The following RBM10 variants were observed in gnomAD, a reference collection of about 807,000 sequenced individuals.
RBM10 encodes RNA binding motif protein 10, also known as RNA-binding protein 10.
A neutral mutation model predicts 84.9 loss-of-function variants in RBM10; 1 was observed. That is an observed-to-expected ratio of 0.01 (90% CI 0.00 to 0.06). The LOEUF (loss-of-function observed/expected upper bound fraction) is 0.06. Among genes scored for constraint, RBM10 ranks in the 10% least tolerant of loss-of-function variants. The pLI is 1.00. For synonymous variants in RBM10, 326 were observed against 344.5 expected (o/e 0.95, Z 0.60); for missense variants, 438 against 839.0 (o/e 0.52, Z 5.90).
intron 2 of RBM10, among the ~76,000 whole-genome samples, chrX:47,165,486 G>A (rs782437279): frequency 1.0e-5 from 1 of 96,258 alleles, no homozygotes; most frequent in South Asian, 5.1e-4. Flanking sequence ...TTGGACTCCA[G>A]CCTGGGCAAC....
In RBM10 at chrX:47,145,258, C is replaced by G; in HGVS notation, c.-353C>G. 3 of 493,994 alleles carry G rather than the reference C, an allele frequency of 6.1e-6. No homozygotes were observed. The highest frequency in any genetic ancestry group is 1.1e-5 in the Non-Finnish European group (3 of 282,505). 40.7% of individuals were successfully genotyped at this position (493,994 alleles called of 1,213,427 possible). A position where few individuals can be genotyped will look rare whatever the true frequency, so the allele number is the denominator to read the frequency against. ...GTGGTCGGAGCGCCGACTCCCTTCTCGTCGTCGCCATTTTGAGCTGGTGAC... is the reference window on the plus strand; with the variant it reads ...GTGGTCGGAGCGCCGACTCCCTTCTGGTCGTCGCCATTTTGAGCTGGTGAC... On this transcript the variant is annotated 5_prime_UTR_variant, in exon 1 of 24. Transcript: ENST00000377604.
At chrX:47,182,952 C>T (rs782319869) in intron 17 of RBM10, among the ~76,000 whole-genome samples, 16 of 112,360 alleles carry the variant, frequency 1.4e-4, no homozygotes, top group African/African-American at 2.6e-4. Context: ...AATGTGACAG[C>T]GTGGGTGTAT....
intron 21 of RBM10, 64 bp from the exon 22 acceptor site, chrX:47,186,001 T>C (rs1935877851): frequency 1.7e-6 from 2 of 1,173,573 alleles, no homozygotes; most frequent in South Asian, 1.8e-5. Flanking sequence ...CCACTCCCCA[T>C]GCCTGTGTTG....
At chrX:47,147,091 G>A (rs782763863) in intron 1 of RBM10, among the ~76,000 whole-genome samples, 1 of 111,814 alleles carries the variant, frequency 8.9e-6, no homozygotes, top group East Asian at 2.8e-4. Context: ...GGGTGGCCCC[G>A]CCAGGTCTCT....
intron 13 of RBM10, 34 bp downstream of exon 13, chrX:47,181,435 G>A (rs2147186868): frequency 8.3e-7 from 1 of 1,207,747 alleles, no homozygotes. Context: ...CAGCTGTGGT[G>A]GGGGCCAGCA....
chrX:47,157,925 A>G (rs781833086), intron 2 of RBM10, among the ~76,000 whole-genome samples: 2 of 110,198 alleles, frequency 1.8e-5, no homozygotes, highest in Non-Finnish European at 3.8e-5. Context: ...GATTACAGGC[A>G]CTTGCCACTA....
At chrX:47,180,385 C>T (rs1488062352) in intron 11 of RBM10, 34 bp from the exon 12 acceptor site, 6 of 1,181,448 alleles carry the variant, frequency 5.1e-6, no homozygotes, top group Non-Finnish European at 6.8e-6. Flanking sequence ...TTGGGGCCTC[C>T]TATCTCACTC....
At chrX:47,184,200 G>C (rs1044582706) in intron 17 of RBM10, among the ~76,000 whole-genome samples, 5 of 111,501 alleles carry the variant, frequency 4.5e-5, no homozygotes, top group Middle Eastern at 4.7e-3. Context: ...TGCAATCTCA[G>C]CACACTGCAG....
At chrX:47,166,893 G>A (rs1159495114) in intron 2 of RBM10, among the ~76,000 whole-genome samples, 4 of 106,523 alleles carry the variant, frequency 3.8e-5, no homozygotes, top group African/African-American at 1.4e-4. Flanking sequence ...CTCCTGTCTC[G>A]CCCTCCCGAG....
At chrX:47,176,466 C>T (rs2147155699) in intron 6 of RBM10, 34 bp from the exon 7 acceptor site, 1 of 1,210,727 alleles carries the variant, frequency 8.3e-7, no homozygotes, top group African/African-American at 1.7e-5. Context: ...GGCACTGCTG[C>T]CTGGACCTCA....
chrX:47,157,472 G>T, intron 2 of RBM10: 1 of 394,378 alleles, frequency 2.5e-6, no homozygotes. Flanking sequence ...GCCACATGGT[G>T]TCATCCCCGC....
chrX:47,185,174 A>G lies in RBM10; in HGVS notation c.2070A>G (p.Ala690=), dbSNP rs988572019. 1 of 1,212,390 alleles carries G rather than the reference A, an allele frequency of 8.2e-7. No individual in the cohort carries two copies. ...ACGAGAGGCGGGAGTCAGCCACTGC[A>G]GATGCTGGCTATGCCATCCTCGAGA... ...RDDERRESAT[A]DAGYAILEKK... Residue 690 remains alanine (A), a synonymous_variant, in exon 18 of 24, where the codon GCA becomes GCG. Transcript: ENST00000377604.
chrX:47,183,617 C>T (rs1164312536), intron 17 of RBM10, among the ~76,000 whole-genome samples: 1 of 111,032 alleles, frequency 9.0e-6, no homozygotes, highest in African/African-American at 3.3e-5. Flanking sequence ...CATTATTTGG[C>T]TGATGGATGC....
At chrX:47,166,669 C>T (rs1014982857) in intron 2 of RBM10, among the ~76,000 whole-genome samples, 11 of 110,062 alleles carry the variant, frequency 1.0e-4, no homozygotes, top group Admixed American at 3.9e-4. Context: ...TTTGTAAAGA[C>T]GGGATCTTGC....
rs150979807 is a variant in RBM10, at chrX:47,186,169, T to C, written c.2535T>C (p.Ser845=). ...AGTACGGCGGCATATCCACAGCCTCTGTGTGAGTGGCTGGGCCAGGTGAGG... is the reference window on the plus strand; with the variant it reads ...AGTACGGCGGCATATCCACAGCCTCCGTGTGAGTGGCTGGGCCAGGTGAGG... ...RRKYGGISTA[S]VDFEQPTRDG... The change falls in exon 22 of 24, where the codon TCT becomes TCC. Residue 845 remains serine, a splice_region_variant and synonymous_variant. Transcript: ENST00000377604. 1 of 1,211,655 alleles carries C rather than the reference T, an allele frequency of 8.3e-7. No homozygotes were observed. The highest frequency in any genetic ancestry group is 1.1e-6 in the Non-Finnish European group (1 of 895,419).
intron 3 of RBM10, 118 bp from the exon 4 acceptor site, chrX:47,170,910 G>C (rs994570211): frequency 6.2e-5 from 46 of 737,101 alleles, no homozygotes; most frequent in Non-Finnish European, 6.2e-5. Context: ...GCCTTTAGCC[G>C]GAGCCCGCAC....
At chrX:47,155,367 C>T (rs1017603019) in intron 2 of RBM10, among the ~76,000 whole-genome samples, 2 of 110,514 alleles carry the variant, frequency 1.8e-5, no homozygotes, top group East Asian at 5.7e-4. Context: ...ATATTTGCCC[C>T]ATTTGTTACT....
intron 2 of RBM10, among the ~76,000 whole-genome samples, chrX:47,166,095 T>C (rs1934178461): frequency 9.0e-6 from 1 of 111,435 alleles, no homozygotes; most frequent in Non-Finnish European, 1.9e-5. Context: ...AGAAAAAATA[T>C]ACAAAAATTA....
chrX:47,162,385 T>G (rs1933784554), intron 2 of RBM10, among the ~76,000 whole-genome samples: 1 of 112,568 alleles, frequency 8.9e-6, no homozygotes, highest in Non-Finnish European at 1.9e-5. Context: ...GTTGTAAATC[T>G]GTTAGATTAA....
Sources: allele counts gnomAD v4.1 joint callset (sites outside exome capture counted in the v4.1 genomes callset), GRCh38; gene constraint gnomAD v4.1.1; transcripts MANE v1.5; gene names NCBI Gene and HGNC (gene_info 2026-07-23, HGNC 2026-07-21).